The following BACH2 variants were observed in gnomAD, a reference collection of about 807,000 sequenced individuals.
BACH2 encodes transcription regulator protein BACH2.
BACH2 carries 5 observed loss-of-function variants against 61.8 expected under a neutral mutation model. The observed-to-expected ratio is 0.08, with a 90% CI of 0.04 to 0.17. The LOEUF (loss-of-function observed/expected upper bound fraction) is 0.17. Ranked by LOEUF, BACH2 falls within the 10% of genes least tolerant of loss-of-function variation. The probability of loss-of-function intolerance (pLI) is 1.00; values close to 1 mark genes in which losing one functional copy is unlikely to be tolerated. For synonymous variants in BACH2, 446 were observed against 440.1 expected, an observed-to-expected ratio of 1.01 and a Z score of -0.17; for missense variants, 824 against 1,091.1, an observed-to-expected ratio of 0.76 and a Z score of 3.45.
chr6:90,266,455 G>T lies in BACH2; in HGVS notation c.-353+5394C>A, dbSNP rs561154631. ...CTCTATGACTTAACTTGGCATCTAG[G>T]TGCACATGGGCAATTGTTCACAGCA... is the stretch of plus-strand genomic sequence containing the variant. On this transcript the variant is annotated intron_variant, in intron 2 of 8. Transcript: ENST00000257749. 2.0e-4 allele frequency among the ~76,000 whole-genome samples: 30 copies of T among 152,184 alleles called. No homozygotes were observed. In the South Asian group the frequency reaches 6.2e-3, roughly 32 times the overall value.
At chr6:90,009,852 A>G (rs924879620) in intron 5 of BACH2, among the ~76,000 whole-genome samples, 1 of 152,184 alleles carries the variant, frequency 6.6e-6, no homozygotes, top group African/African-American at 2.4e-5. Context: ...TTTAGTACAG[A>G]CGGGATTTCA....
chr6:90,265,517 T>A (rs1028641545), intron 2 of BACH2, among the ~76,000 whole-genome samples: 2 of 152,182 alleles, frequency 1.3e-5, no homozygotes, highest in African/African-American at 4.8e-5. Flanking sequence ...TTAGTGATAG[T>A]GCATCTATCC....
At chr6:89,954,643 T>C (rs1388679036) in intron 6 of BACH2, among the ~76,000 whole-genome samples, 5 of 151,520 alleles carry the variant, frequency 3.3e-5, no homozygotes, top group Non-Finnish European at 7.4e-5. Flanking sequence ...CAGGAAGCAG[T>C]ACTGGGAGTC....
At chr6:90,248,017 A>C (rs1770693729) in intron 3 of BACH2, among the ~76,000 whole-genome samples, 1 of 152,224 alleles carries the variant, frequency 6.6e-6, no homozygotes, top group African/African-American at 2.4e-5. Context: ...GGTGCTCAAC[A>C]AATGTTTGTT....
rs150630481 is a variant in BACH2 at position 90,153,846 on chromosome 6, G to A, written c.-162+52723C>T. Among the ~76,000 whole-genome samples, 545 of 152,260 alleles carry A rather than the reference G, an allele frequency of 3.6e-3. 9 individuals carry two copies. Among genetic ancestry groups the A allele is most frequent in the South Asian group, 0.034 (162 of 4,828 alleles). On this transcript the variant is annotated intron_variant, in intron 4 of 8. Transcript: ENST00000257749. ...GGGTACATTTTCCTCCTTGAGGTTCGTAAGACAAATTTTGAAAAAATCATG... is the reference window on the plus strand; with the variant it reads ...GGGTACATTTTCCTCCTTGAGGTTCATAAGACAAATTTTGAAAAAATCATG...
At chr6:89,974,156 T>C (rs575851061) in intron 6 of BACH2, among the ~76,000 whole-genome samples, 112 of 152,258 alleles carry the variant, frequency 7.4e-4, no homozygotes, top group African/African-American at 2.7e-3. Context: ...GTCTTACTCT[T>C]GTCATTGAAG....
At chr6:90,061,912 G>A (rs1780703732) in intron 5 of BACH2, among the ~76,000 whole-genome samples, 4 of 152,174 alleles carry the variant, frequency 2.6e-5, no homozygotes, top group Admixed American at 2.6e-4. Flanking sequence ...AACAGGAGAT[G>A]AGTCTAGATA....
At position 89,932,226 on chromosome 6, in the gene BACH2, AACTATC is replaced by A. The variant is rs1472083082; in HGVS notation, c.*176_*181del. 6 of 797,934 alleles carry A rather than the reference AACTATC, an allele frequency of 7.5e-6. No individual in the cohort carries two copies. The highest frequency in any genetic ancestry group is 3.4e-5 in the African/African-American group (2 of 58,054). 49.4% of individuals were successfully genotyped at this position (797,934 alleles called of 1,614,324 possible). On this transcript the variant is annotated 3_prime_UTR_variant, in exon 9 of 9. Transcript: ENST00000257749. Reference sequence around the variant, plus strand: ...CAAGGGGTAGCACCATTGTGAAGGTAACTATCACTCCTGCTCGAGAAGAGGAGAGGA... The same window carrying A: ...CAAGGGGTAGCACCATTGTGAAGGTAACTCCTGCTCGAGAAGAGGAGAGGA...
intron 6 of BACH2, among the ~76,000 whole-genome samples, chr6:89,981,218 G>A (rs1775934378): frequency 6.6e-6 from 1 of 150,620 alleles, no homozygotes; most frequent in Non-Finnish European, 1.5e-5. Context: ...TGCAAGCTCC[G>A]CTTCCTGGGT....
chr6:89,962,169 T>C (rs1774781722), intron 6 of BACH2, among the ~76,000 whole-genome samples: 1 of 151,192 alleles, frequency 6.6e-6, no homozygotes, highest in Admixed American at 6.6e-5. Flanking sequence ...TAGCAAGTTG[T>C]ATCATAATCA....
At chr6:90,108,542 C>T (rs207262) in intron 4 of BACH2, among the ~76,000 whole-genome samples, 80,211 of 151,990 alleles carry the variant, frequency 0.53, 21,742 homozygotes, top group African/African-American at 0.61. Flanking sequence ...AAAGCACTTT[C>T]TGTCTAATTC....
At chr6:90,160,544 T>C (rs1047893985) in intron 4 of BACH2, among the ~76,000 whole-genome samples, 1 of 152,248 alleles carries the variant, frequency 6.6e-6, no homozygotes, top group Admixed American at 6.5e-5. Flanking sequence ...TTATTTTTAC[T>C]AGCAGAGTAG....
At chr6:90,171,804 A>G (rs1425153871) in intron 4 of BACH2, among the ~76,000 whole-genome samples, 3 of 152,192 alleles carry the variant, frequency 2.0e-5, no homozygotes, top group Non-Finnish European at 4.4e-5. Context: ...AATATGAACA[A>G]GGAAGATTTC....
At chr6:90,005,496 T>G (rs1777360068) in intron 6 of BACH2, among the ~76,000 whole-genome samples, 1 of 152,250 alleles carries the variant, frequency 6.6e-6, no homozygotes, top group Non-Finnish European at 1.5e-5. Context: ...ATTTAGAATG[T>G]CTGCTTATTT....
chr6:90,019,542 A>G (rs1041221462), intron 5 of BACH2, among the ~76,000 whole-genome samples: 4 of 152,236 alleles, frequency 2.6e-5, no homozygotes, highest in Non-Finnish European at 5.9e-5. Context: ...TTCCAGATCT[A>G]CAATTCTATG....
rs1489582615 is a variant in BACH2, at chr6:89,950,061, T to A, written c.1836+209A>T. On this transcript the variant is annotated intron_variant, in intron 7 of 8. Transcript: ENST00000257749. This position sits in a 1 kb window ranked among gnomAD's most constrained non-coding sequence, Gnocchi z 5.3. ...TGCTTGTCGAGTATTGAGATCCAGA[T>A]CAAATATCAAGTGCTTTTCTAGGAC... 1.6e-6 allele frequency: 1 copy of A among 623,198 alleles called. No individual in the cohort carries two copies. The highest frequency in any genetic ancestry group is 2.8e-6 in the Non-Finnish European group (1 of 352,564). The allele number at this position is 623,198 out of a possible 1,614,324, so 38.6% of individuals were successfully genotyped here.
chr6:90,081,832 T>C (rs1781735978), intron 5 of BACH2, among the ~76,000 whole-genome samples: 1 of 152,188 alleles, frequency 6.6e-6, no homozygotes, highest in Non-Finnish European at 1.5e-5. Flanking sequence ...TCCTTAAATT[T>C]TACCTTGGTT....
rs377106567 is a variant in BACH2 at position 90,135,083 on chromosome 6, A to C, written c.-161-45974T>G. 1.2e-3 allele frequency among the ~76,000 whole-genome samples: 190 copies of C among 152,074 alleles called. 1 individual carries two copies. The highest frequency in any genetic ancestry group is 0.01 in the Middle Eastern group (3 of 294). On this transcript the variant is annotated intron_variant, in intron 4 of 8. Coordinates refer to ENST00000257749, the MANE Select transcript of BACH2 (RefSeq NM_021813.4). ...GGAGTGATGACCGTGCAACAGTATCACCTCCCTGGCAGCATGCTAAAGCCA... is the reference window on the plus strand; with the variant it reads ...GGAGTGATGACCGTGCAACAGTATCCCCTCCCTGGCAGCATGCTAAAGCCA...
chr6:90,180,781 A>G (rs1395143246), intron 4 of BACH2, among the ~76,000 whole-genome samples: 1 of 152,070 alleles, frequency 6.6e-6, no homozygotes, highest in African/African-American at 2.4e-5. Context: ...CACCAGTCCA[A>G]TGGAATGGAA....
Sources: gnomAD v4.1 joint callset for allele counts (sites outside exome capture counted in the v4.1 genomes callset) on GRCh38, gnomAD v4.1.1 for gene constraint, Gnocchi (gnomAD v3.1) non-coding constraint, MANE v1.5 for transcripts, NCBI Gene and HGNC (gene_info 2026-07-23, HGNC 2026-07-21) for gene names.